MCPH1: variants seen among roughly 807,000 people sequenced by gnomAD.
MCPH1 encodes microcephalin 1, also known as microcephalin.
Under a neutral mutation model 84.5 loss-of-function variants are expected in MCPH1, and 104 were observed. That is an observed-to-expected ratio of 1.23 (90% CI 1.05 to 1.45). The LOEUF (loss-of-function observed/expected upper bound fraction) is 1.45. Among genes scored for constraint, MCPH1 ranks in the 40% most tolerant of loss-of-function variants. MCPH1 has a pLI of 0.00. For missense variants in MCPH1, 1,498 were observed against 1,005.7 expected (o/e 1.49, Z -6.62); for synonymous variants, 514 against 366.8 (o/e 1.40, Z -4.58).
intron 13 of MCPH1, chr8:6,625,372 A>AAGC (rs1196354961): frequency 2.0e-6 from 2 of 985,442 alleles, no homozygotes; most frequent in African/African-American, 3.5e-5. Context: ...CCCTTCGACA[A>AAGC]AGCACATTGT....
chr8:6,572,446 A>G (rs1826737843), intron 12 of MCPH1, among the ~76,000 whole-genome samples: 1 of 152,196 alleles, frequency 6.6e-6, no homozygotes, highest in Non-Finnish European at 1.5e-5. Context: ...AAATCTATCC[A>G]TGATTGTTAT....
At chr8:6,477,804 G>A (rs1808676306) in intron 10 of MCPH1, among the ~76,000 whole-genome samples, 173 bp downstream of exon 10, 2 of 152,206 alleles carry the variant, frequency 1.3e-5, no homozygotes, top group Non-Finnish European at 1.5e-5. Context: ...CCAAATGTGA[G>A]CGACTTAGCC....
At position 6,419,315 on chromosome 8, in the gene MCPH1, G is replaced by A. The variant is rs541934030; in HGVS notation, c.233+4432G>A. Among the ~76,000 whole-genome samples the A allele has an allele frequency of 4.6e-5, 7 of 152,086 alleles. No individual in the cohort carries two copies. In the East Asian group the frequency reaches 1.2e-3, roughly 25 times the overall value. Reference sequence around the variant, plus strand: ...GCTTACTGCAGCCTTGACCTCTAAGGCTCAATCAGTCCTCTCACCCCAGCC... The same window carrying A: ...GCTTACTGCAGCCTTGACCTCTAAGACTCAATCAGTCCTCTCACCCCAGCC... On this transcript the variant is annotated intron_variant, in intron 3 of 13. Coordinates refer to ENST00000344683, the MANE Select transcript of MCPH1 (RefSeq NM_024596.5).
intron 9 of MCPH1, among the ~76,000 whole-genome samples, chr8:6,464,141 G>A (rs1806582863): frequency 6.6e-6 from 1 of 152,140 alleles, no homozygotes; most frequent in South Asian, 2.1e-4. Flanking sequence ...CTTTAGTGCC[G>A]ACCAGCCGGC....
Position 6,643,103 on chromosome 8 carries a change from G to A in MCPH1, c.*54G>A. 4 of 1,484,128 alleles carry A rather than the reference G, an allele frequency of 2.7e-6. No homozygotes were observed. The highest frequency in any genetic ancestry group is 3.8e-6 in the Non-Finnish European group (4 of 1,063,040). 91.9% of individuals were successfully genotyped at this position (1,484,128 alleles called of 1,614,324 possible). On this transcript the variant is annotated 3_prime_UTR_variant, in exon 14 of 14. Coordinates refer to ENST00000344683, the MANE Select transcript of MCPH1 (RefSeq NM_024596.5). Reference sequence around the variant, plus strand: ...CACACAGCTCGCAAAACTGTCTTTGGATGTTCAAATGAGAAACAAAACTGT... The same window carrying A: ...CACACAGCTCGCAAAACTGTCTTTGAATGTTCAAATGAGAAACAAAACTGT...
intron 12 of MCPH1, among the ~76,000 whole-genome samples, chr8:6,538,606 C>T (rs567455934): frequency 6.6e-6 from 1 of 152,210 alleles, no homozygotes; most frequent in African/African-American, 2.4e-5. Context: ...CTTTGTATCT[C>T]CTCCTTGAGT....
At chr8:6,469,349 C>G (rs1030948001) in intron 9 of MCPH1, among the ~76,000 whole-genome samples, 6 of 152,114 alleles carry the variant, frequency 3.9e-5, no homozygotes, top group Non-Finnish European at 7.3e-5. Flanking sequence ...GATCTGGGAT[C>G]TCTTGGGTCC....
chr8:6,621,683 G>A lies in MCPH1; in HGVS notation c.2444G>A (p.Trp815Ter). ...KATVKYLSEK[W>*]VLDSITQHKV... ...ACAGTCAAGTATCTGTCTGAGAAAT[G>A]GGTCTTAGGTAAGAATCCAGGCACA... The change falls in exon 13 of 14, where the codon TGG becomes TAG. Residue 815 changes from tryptophan to a stop codon, truncating the protein, a stop_gained. Transcript: ENST00000344683. LOFTEE classifies it high-confidence loss of function. 6.2e-7 allele frequency: 1 copy of A among 1,614,182 alleles called. No individual in the cohort carries two copies. The highest frequency in any genetic ancestry group is 1.1e-5 in the South Asian group (1 of 91,056).
At position 6,578,070 on chromosome 8, in the gene MCPH1, T is replaced by G. The variant is rs577512863; in HGVS notation, c.2215-43384T>G. 7.2e-5 allele frequency among the ~76,000 whole-genome samples: 11 copies of G among 152,296 alleles called. No homozygotes were observed. In the South Asian group the frequency reaches 2.3e-3, roughly 32 times the overall value. The stretch of plus-strand genomic sequence containing the variant: ...GAGCCTCACTCCCCTGCTCAGTAGA[T>G]CAGACGTGTTCTCTTCTTTCACCAC... On this transcript the variant is annotated intron_variant, in intron 12 of 13. Transcript: ENST00000344683.
At chr8:6,540,490 C>T (rs980449627) in intron 12 of MCPH1, among the ~76,000 whole-genome samples, 1 of 152,206 alleles carries the variant, frequency 6.6e-6, no homozygotes, top group Non-Finnish European at 1.5e-5. Context: ...TGTATATTTA[C>T]CAGATGTCTG....
chr8:6,514,133 C>A (rs1302216656), intron 12 of MCPH1, among the ~76,000 whole-genome samples: 2 of 152,180 alleles, frequency 1.3e-5, no homozygotes, highest in African/African-American at 4.8e-5. Context: ...ATGTGAAGCA[C>A]CATTAAACAG....
chr8:6,638,698 C>T (rs1797730962), intron 13 of MCPH1, among the ~76,000 whole-genome samples: 1 of 152,182 alleles, frequency 6.6e-6, no homozygotes, highest in East Asian at 1.9e-4. Context: ...TAACATCTGT[C>T]CTACGGCCAC....
chr8:6,457,202 T>A (rs1473623837), intron 9 of MCPH1, among the ~76,000 whole-genome samples: 1 of 152,174 alleles, frequency 6.6e-6, no homozygotes, highest in Non-Finnish European at 1.5e-5. Flanking sequence ...TTTAAGAGTA[T>A]TAGTAAACTT....
At chr8:6,600,454 T>C (rs1018313749) in intron 12 of MCPH1, among the ~76,000 whole-genome samples, 3 of 152,226 alleles carry the variant, frequency 2.0e-5, no homozygotes, top group Non-Finnish European at 4.4e-5. Flanking sequence ...CAGATACATT[T>C]ACCATTGCCA....
chr8:6,424,307 G>T (rs377718852), intron 3 of MCPH1, among the ~76,000 whole-genome samples: 1 of 152,214 alleles, frequency 6.6e-6, no homozygotes, highest in Admixed American at 6.5e-5. Flanking sequence ...GCTAGGTGGG[G>T]AATACGGTTC....
At chr8:6,537,284 G>A (rs770808533) in intron 12 of MCPH1, among the ~76,000 whole-genome samples, 3 of 152,250 alleles carry the variant, frequency 2.0e-5, no homozygotes, top group Non-Finnish European at 4.4e-5. Context: ...ATATGTGTGC[G>A]AGGACAGTGT....
Position 6,505,353 on chromosome 8 carries a change from TTC to T in MCPH1, c.2214+5426_2214+5427del, listed in dbSNP as rs1162320504. Among the ~76,000 whole-genome samples the T allele has an allele frequency of 8.7e-5, 6 of 68,870 alleles. 1 individual carries two copies. The highest frequency in any genetic ancestry group is 4.2e-4 in the South Asian group (1 of 2,366). 45.2% of individuals were successfully genotyped at this position (68,870 alleles called of 152,430 possible). A position where few individuals can be genotyped will look rare whatever the true frequency, so the allele number is the denominator to read the frequency against. Reference sequence around the variant, plus strand: ...CATATAGAAAGAATATATATATTCTTTCTATATGTATATAGAATATATATATT... The same window carrying T: ...CATATAGAAAGAATATATATATTCTTTATATGTATATAGAATATATATATT... On this transcript the variant is annotated intron_variant, in intron 12 of 13. Transcript: ENST00000344683.
intron 4 of MCPH1, among the ~76,000 whole-genome samples, chr8:6,434,881 T>C (rs536886232): frequency 6.6e-6 from 1 of 152,234 alleles, no homozygotes; most frequent in East Asian, 1.9e-4. Context: ...CATAAAAGTG[T>C]TATAGGTAAA....
At chr8:6,553,878 C>A (rs1156495350) in intron 12 of MCPH1, among the ~76,000 whole-genome samples, 1 of 152,254 alleles carries the variant, frequency 6.6e-6, no homozygotes, top group East Asian at 1.9e-4. Context: ...AAGACAACTT[C>A]ATGGCGTATT....
Sources: gnomAD v4.1 joint callset for allele counts (sites outside exome capture counted in the v4.1 genomes callset) on GRCh38, gnomAD v4.1.1 for gene constraint, MANE v1.5 for transcripts, NCBI Gene and HGNC (gene_info 2026-07-23, HGNC 2026-07-21) for gene names.